The following GPC3 variants were observed in gnomAD, a reference collection of about 807,000 sequenced individuals.
The protein encoded by GPC3 is glypican 3, also known as glypican-3.
A neutral mutation model predicts 34.4 loss-of-function variants in GPC3; 3 were observed. The ratio of observed to expected loss-of-function variants is 0.09; its 90% CI spans 0.04 to 0.23. GPC3 has a LOEUF of 0.23. Among genes scored for constraint, GPC3 ranks in the 10% least tolerant of loss-of-function variants. The pLI is 1.00. For missense variants in GPC3, 351 were observed against 445.6 expected (o/e 0.79, Z 1.91); for synonymous variants, 177 against 174.0 (o/e 1.02, Z -0.13).
At chrX:133,804,004 AC>A (rs2124521626) in intron 2 of GPC3, among the ~76,000 whole-genome samples, 1 of 110,211 alleles carries the variant, frequency 9.1e-6, no homozygotes, top group South Asian at 3.9e-4. Flanking sequence ...ACACACACAC[AC>A]ACACACAGAC....
In GPC3 at chrX:133,855,562, C is replaced by G. The variant is rs1021895425; in HGVS notation, c.337+97488G>C. Among the ~76,000 whole-genome samples the G allele has an allele frequency of 1.3e-4, 10 of 79,281 alleles. 1 individual carries two copies. The highest frequency in any genetic ancestry group is 2.3e-4 in the Non-Finnish European group (9 of 39,792). The allele number at this position is 79,281 out of a possible 115,157, so 68.8% of individuals were successfully genotyped here. ...ATATATATATATAGTAAAATGGTCC[C>G]TATAGTGGAACAAATTAACATCTCT... On this transcript the variant is annotated intron_variant, in intron 2 of 7. Transcript: ENST00000370818.
chrX:133,546,190 T>C (rs938009216), intron 7 of GPC3, among the ~76,000 whole-genome samples: 6 of 111,308 alleles, frequency 5.4e-5, no homozygotes, highest in African/African-American at 1.3e-4. Context: ...CAGAAACTTA[T>C]GCTGGAATTC....
intron 3 of GPC3, among the ~76,000 whole-genome samples, chrX:133,725,434 G>A (rs1280836169): frequency 8.9e-6 from 1 of 112,540 alleles, no homozygotes; most frequent in East Asian, 2.8e-4. Flanking sequence ...AACAATATCA[G>A]TGATTCCTAT....
chrX:133,862,329 A>G (rs2075940764), intron 2 of GPC3, among the ~76,000 whole-genome samples: 1 of 110,080 alleles, frequency 9.1e-6, no homozygotes, highest in African/African-American at 3.3e-5. Flanking sequence ...CTTTACCTTT[A>G]TAAGGTGCCA....
chrX:133,588,247 T>C (rs2069810632), intron 7 of GPC3, among the ~76,000 whole-genome samples: 1 of 111,374 alleles, frequency 9.0e-6, no homozygotes, highest in Non-Finnish European at 1.9e-5. Flanking sequence ...ACTCACACTA[T>C]AAAATACATT....
At chrX:133,819,735 G>A in intron 2 of GPC3, among the ~76,000 whole-genome samples, 1 of 111,752 alleles carries the variant, frequency 8.9e-6, no homozygotes, top group East Asian at 2.8e-4. Context: ...TAGCCTCTCT[G>A]TAAATCAATA....
chrX:133,618,795 T>G (rs2070196467), intron 6 of GPC3, among the ~76,000 whole-genome samples: 1 of 110,472 alleles, frequency 9.1e-6, no homozygotes, highest in South Asian at 3.8e-4. Context: ...TGAACTTGGG[T>G]TAAGCAAAAG....
intron 2 of GPC3, among the ~76,000 whole-genome samples, chrX:133,844,478 C>T (rs1237680427): frequency 4.5e-5 from 5 of 111,349 alleles, no homozygotes; most frequent in South Asian, 3.9e-4. Flanking sequence ...ACTTATTCTT[C>T]GTAAGAAAAA....
At chrX:133,537,074 AG>A (rs1246799829) in intron 7 of GPC3, among the ~76,000 whole-genome samples, 3 of 111,860 alleles carry the variant, frequency 2.7e-5, no homozygotes, top group Admixed American at 9.5e-5. Context: ...AAAAGAAATC[AG>A]GGTGTTATTT....
intron 2 of GPC3, among the ~76,000 whole-genome samples, chrX:133,851,365 A>G (rs757588356): frequency 1.1e-4 from 12 of 111,693 alleles, no homozygotes; most frequent in Non-Finnish European, 1.9e-4. Context: ...AAATCAGTGG[A>G]TTACTTAGCT....
Position 133,754,146 on chromosome X carries a change from T to C in GPC3, c.368A>G (p.Lys123Arg), listed in dbSNP as rs1490064135. 3 of 1,197,060 alleles carry C rather than the reference T, an allele frequency of 2.5e-6. No individual in the cohort carries two copies. The highest frequency in any genetic ancestry group is 3.4e-6 in the Non-Finnish European group (3 of 887,801). ...EAFEIVVRHAKNYTNAMFKNN... is the reference protein window; with the variant it reads ...EAFEIVVRHARNYTNAMFKNN... ...CTTGAACATGGCATTGGTGTAGTTC[T>C]TGGCATGGCGAACAACAATTTCAAA... The change falls in exon 3 of 8, where the codon AAG (lysine) becomes AGG (arginine). Residue 123 changes from lysine to arginine, a missense_variant. By Grantham distance (26) the Lys-to-Arg change is conservative. Transcript: ENST00000370818.
intron 2 of GPC3, among the ~76,000 whole-genome samples, chrX:133,788,819 T>C (rs1421553342): frequency 5.6e-5 from 6 of 107,229 alleles, no homozygotes; most frequent in Admixed American, 3.0e-4. Context: ...CCACCTTAGT[T>C]TTGGATAGTT....
intron 2 of GPC3, among the ~76,000 whole-genome samples, chrX:133,822,857 G>A (rs1182706475): frequency 1.8e-5 from 2 of 110,645 alleles, no homozygotes; most frequent in African/African-American, 6.6e-5. Context: ...AGCCTGGCAT[G>A]GTGGCTCATG....
At chrX:133,668,401 C>T (rs988957785) in intron 5 of GPC3, among the ~76,000 whole-genome samples, 8 of 111,410 alleles carry the variant, frequency 7.2e-5, no homozygotes, top group Admixed American at 5.7e-4. Context: ...TGAGGGCCTC[C>T]CTGAACCACC....
At chrX:133,888,053 C>G (rs1325817156) in intron 2 of GPC3, among the ~76,000 whole-genome samples, 1 of 109,904 alleles carries the variant, frequency 9.1e-6, no homozygotes, top group Admixed American at 9.8e-5. Flanking sequence ...AGGTATTTCT[C>G]CTAATGTTGT....
chrX:133,616,697 AT>A (rs765661060), intron 6 of GPC3, among the ~76,000 whole-genome samples: 2,037 of 95,183 alleles, frequency 0.021, 34 homozygotes, highest in African/African-American at 0.06. Flanking sequence ...ACAGAAATTG[AT>A]TTTTTTTTTT....
intron 2 of GPC3, among the ~76,000 whole-genome samples, chrX:133,875,509 C>A (rs2076012923): frequency 9.0e-6 from 1 of 111,473 alleles, no homozygotes; most frequent in Admixed American, 9.6e-5. Context: ...TTTATTCCAG[C>A]TCAAATAGTT....
chrX:133,656,175 G>A (rs1224050978), intron 6 of GPC3, among the ~76,000 whole-genome samples: 1 of 112,410 alleles, frequency 8.9e-6, no homozygotes, highest in Non-Finnish European at 1.9e-5. Context: ...CTCACCAACT[G>A]AGATTTTGTA....
At chrX:133,575,630 T>C (rs2069672462) in intron 7 of GPC3, among the ~76,000 whole-genome samples, 1 of 111,860 alleles carries the variant, frequency 8.9e-6, no homozygotes, top group African/African-American at 3.3e-5. Context: ...ACCAAGATTA[T>C]GCAAGTTTCC....
Sources: allele counts gnomAD v4.1 joint callset (sites outside exome capture counted in the v4.1 genomes callset), GRCh38; gene constraint gnomAD v4.1.1; transcripts MANE v1.5; gene names NCBI Gene and HGNC (gene_info 2026-07-23, HGNC 2026-07-21).